CMSS1: variants seen among roughly 807,000 people sequenced by gnomAD.
The protein encoded by CMSS1 is protein CMSS1.
In CMSS1, 33 loss-of-function variants were observed where a neutral mutation model predicts 43.5. The ratio of observed to expected loss-of-function variants is 0.76; its 90% CI spans 0.57 to 1.01. CMSS1 has a LOEUF of 1.01. Among genes scored for constraint, CMSS1 ranks in the 50% least tolerant of loss-of-function variants. The pLI is 0.00. For synonymous variants in CMSS1, 115 were observed against 117.2 expected (o/e 0.98, Z 0.12); for missense variants, 313 against 326.4 (o/e 0.96, Z 0.32).
intron 3 of CMSS1, among the ~76,000 whole-genome samples, chr3:100,162,082 G>A (rs142574255): frequency 0.013 from 2,042 of 152,306 alleles, 17 homozygotes; most frequent in Non-Finnish European, 0.02. Flanking sequence ...TAGACCAAGA[G>A]TTACAGGGAG....
chr3:100,141,962 A>G (rs1256809520), intron 1 of CMSS1, among the ~76,000 whole-genome samples: 1 of 152,148 alleles, frequency 6.6e-6, no homozygotes, highest in Admixed American at 6.5e-5. Flanking sequence ...TTTTCTTTCA[A>G]TATTCTCTTA....
At chr3:99,948,086 G>A (rs1708063319) in intron 1 of CMSS1, among the ~76,000 whole-genome samples, 1 of 152,172 alleles carries the variant, frequency 6.6e-6, no homozygotes. Flanking sequence ...GATTTATAGA[G>A]TATGTCATCA....
At chr3:100,010,959 T>G (rs1348605639) in intron 1 of CMSS1, among the ~76,000 whole-genome samples, 1 of 151,756 alleles carries the variant, frequency 6.6e-6, no homozygotes, top group Admixed American at 6.6e-5. Context: ...AGTTTAAGTC[T>G]ACAAATAATT....
At chr3:99,891,496 C>T (rs1049695704) in intron 1 of CMSS1, among the ~76,000 whole-genome samples, 2 of 151,964 alleles carry the variant, frequency 1.3e-5, no homozygotes, top group Non-Finnish European at 2.9e-5. Flanking sequence ...ATATTACTTG[C>T]CATCTTATAG....
chr3:100,124,149 G>A (rs979790407), intron 1 of CMSS1, among the ~76,000 whole-genome samples: 2 of 152,112 alleles, frequency 1.3e-5, no homozygotes, highest in Admixed American at 6.5e-5. Flanking sequence ...AGTTTTTTAA[G>A]AGCATCTGGT....
chr3:99,980,846 A>G (rs1030544602), intron 1 of CMSS1, among the ~76,000 whole-genome samples: 2 of 152,174 alleles, frequency 1.3e-5, no homozygotes, highest in African/African-American at 4.8e-5. Flanking sequence ...AGAACAGGAC[A>G]AGGAGCCTTC....
At chr3:99,970,394 T>C (rs957900259) in intron 1 of CMSS1, among the ~76,000 whole-genome samples, 1 of 152,208 alleles carries the variant, frequency 6.6e-6, no homozygotes, top group South Asian at 2.1e-4. Flanking sequence ...ATGTAATAAC[T>C]GAGATAAATG....
intron 1 of CMSS1, among the ~76,000 whole-genome samples, chr3:100,121,120 T>A (rs957022367): frequency 2.6e-5 from 4 of 152,066 alleles, no homozygotes; most frequent in Admixed American, 2.6e-4. Context: ...TTCTTTAAGT[T>A]CTGGGCTACG....
At chr3:99,964,844 C>A (rs1708599195) in intron 1 of CMSS1, among the ~76,000 whole-genome samples, 2 of 152,116 alleles carry the variant, frequency 1.3e-5, no homozygotes, top group Admixed American at 1.3e-4. Context: ...CTCCCTGTAA[C>A]TGTGGAAAAA....
intron 1 of CMSS1, chr3:100,141,483 CTT>C (rs2066804205): frequency 2.2e-6 from 1 of 450,598 alleles, no homozygotes; most frequent in African/African-American, 2.0e-5. Flanking sequence ...TTAACGTACT[CTT>C]TTGCACATTT....
chr3:100,017,776 A>T (rs1372309625), intron 1 of CMSS1, among the ~76,000 whole-genome samples: 3 of 152,088 alleles, frequency 2.0e-5, no homozygotes, highest in Non-Finnish European at 4.4e-5. Context: ...AATACAAAAA[A>T]AAGAAACACT....
chr3:99,914,447 G>T (rs1458186685), intron 1 of CMSS1, among the ~76,000 whole-genome samples: 1 of 151,872 alleles, frequency 6.6e-6, no homozygotes, highest in Non-Finnish European at 1.5e-5. Context: ...TTTTTTTCCA[G>T]AAGTAACACA....
intron 1 of CMSS1, among the ~76,000 whole-genome samples, chr3:99,839,702 T>C (rs1172255523): frequency 6.6e-6 from 1 of 152,218 alleles, no homozygotes; most frequent in African/African-American, 2.4e-5. Context: ...TATAAAATAC[T>C]GTAATAATAC....
chr3:99,923,263 C>G (rs1707181278), intron 1 of CMSS1, among the ~76,000 whole-genome samples: 1 of 152,146 alleles, frequency 6.6e-6, no homozygotes, highest in Non-Finnish European at 1.5e-5. Context: ...CTTCTACAGA[C>G]CTATATTTCT....
intron 2 of CMSS1, among the ~76,000 whole-genome samples, chr3:100,154,014 C>A (rs184734299): frequency 1.0e-3 from 154 of 152,138 alleles, no homozygotes; most frequent in African/African-American, 3.6e-3. Flanking sequence ...TCATGCCTGG[C>A]CAATTTTTGT....
chr3:100,071,238 TACTC>T (rs1044115550), intron 1 of CMSS1, among the ~76,000 whole-genome samples: 15 of 152,154 alleles, frequency 9.9e-5, no homozygotes, highest in African/African-American at 3.4e-4. Flanking sequence ...GATTTTCTCT[TACTC>T]ACTTCATCTC....
chr3:100,122,118 G>A (rs116800670), intron 1 of CMSS1, among the ~76,000 whole-genome samples: 1,692 of 152,306 alleles, frequency 0.011, 11 homozygotes, highest in African/African-American at 0.024. Flanking sequence ...GAAATTAAAT[G>A]CATGGAGGAA....
chr3:99,839,319 A>C (rs1943031040), intron 1 of CMSS1, among the ~76,000 whole-genome samples: 2 of 152,158 alleles, frequency 1.3e-5, no homozygotes, highest in Non-Finnish European at 2.9e-5. Context: ...GCTGCCTGGC[A>C]CAATAATGAG....
At chr3:100,050,142 A>T (rs2065345648) in intron 1 of CMSS1, among the ~76,000 whole-genome samples, 1 of 152,208 alleles carries the variant, frequency 6.6e-6, no homozygotes, top group South Asian at 2.1e-4. Context: ...GTTCGGGGGC[A>T]AATTTTTAAA....
Sources: allele counts gnomAD v4.1 joint callset (sites outside exome capture counted in the v4.1 genomes callset), GRCh38; gene constraint gnomAD v4.1.1; transcripts MANE v1.5; gene names NCBI Gene and HGNC (gene_info 2026-07-23, HGNC 2026-07-21).